The following RARB variants were observed in gnomAD, a reference collection of about 807,000 sequenced individuals.
RARB encodes retinoic acid receptor beta, also known as HBV-activated protein.
In RARB, 17 loss-of-function variants were observed where a neutral mutation model predicts 51.9. The observed-to-expected ratio is 0.33, with a 90% CI of 0.22 to 0.49. The LOEUF (loss-of-function observed/expected upper bound fraction) is 0.49. Among genes scored for constraint, RARB ranks in the 20% least tolerant of loss-of-function variants. The pLI is 0.99. For missense variants in RARB, 369 were observed against 550.8 expected (o/e 0.67, Z 3.30); for synonymous variants, 215 against 195.4 (o/e 1.10, Z -0.84).
chr3:25,246,793 A>G (rs1702572098), intron 5 of RARB, among the ~76,000 whole-genome samples: 1 of 152,182 alleles, frequency 6.6e-6, no homozygotes, highest in South Asian at 2.1e-4. Flanking sequence ...CAGGAGGCAC[A>G]GGGTTTGGAG....
chr3:25,218,790 C>A (rs7618208), intron 5 of RARB, among the ~76,000 whole-genome samples: 10 of 152,044 alleles, frequency 6.6e-5, no homozygotes, highest in Non-Finnish European at 1.3e-4. Context: ...AATAGGAAAT[C>A]GAGGCTCAGA....
chr3:25,251,496 C>A (rs1575258138), intron 5 of RARB, among the ~76,000 whole-genome samples: 1 of 152,174 alleles, frequency 6.6e-6, no homozygotes. Flanking sequence ...AGTGTGTGAG[C>A]ATTCTAATTT....
chr3:25,259,041 G>A (rs1702935325), intron 5 of RARB: 1 of 985,144 alleles, frequency 1.0e-6, no homozygotes, highest in South Asian at 4.7e-5. Context: ...TTAGTAGGCA[G>A]GAACCAGGAA....
At chr3:25,200,868 G>A (rs1701372388) in intron 5 of RARB, among the ~76,000 whole-genome samples, 2 of 152,168 alleles carry the variant, frequency 1.3e-5, no homozygotes, top group Non-Finnish European at 2.9e-5. Context: ...TTTGAAGTCA[G>A]GTAGCATGAT....
chr3:25,294,853 G>T (rs890007915), intron 5 of RARB, among the ~76,000 whole-genome samples: 2 of 152,164 alleles, frequency 1.3e-5, no homozygotes, highest in African/African-American at 4.8e-5. Context: ...CACCAGCTTT[G>T]CAGATTTGCT....
intron 2 of RARB, among the ~76,000 whole-genome samples, chr3:25,055,915 G>A (rs961360732): frequency 1.3e-5 from 2 of 152,032 alleles, no homozygotes; most frequent in Admixed American, 1.3e-4. Context: ...AAGGGATCTG[G>A]GGACATGTGG....
chr3:25,039,882 A>G (rs1469766841), intron 2 of RARB, among the ~76,000 whole-genome samples: 1 of 152,192 alleles, frequency 6.6e-6, no homozygotes, highest in East Asian at 1.9e-4. Flanking sequence ...AACTTGATAA[A>G]TCATTCGTGG....
chr3:25,081,187 T>A (rs1698986796), intron 3 of RARB, among the ~76,000 whole-genome samples: 4 of 152,128 alleles, frequency 2.6e-5, no homozygotes, highest in African/African-American at 9.7e-5. Context: ...TAAATTATCC[T>A]TCTGTGAGTT....
intron 1 of RARB, among the ~76,000 whole-genome samples, chr3:25,445,150 G>A (rs1415500859): frequency 1.3e-5 from 2 of 151,926 alleles, no homozygotes; most frequent in East Asian, 1.9e-4. Context: ...GAATTTCACT[G>A]TGTTGCCCAG....
At chr3:24,918,183 C>T (rs773998402) in intron 2 of RARB, among the ~76,000 whole-genome samples, 55 of 152,120 alleles carry the variant, frequency 3.6e-4, no homozygotes, top group Non-Finnish European at 6.5e-4. Flanking sequence ...TAAACAAAAA[C>T]GGTACCTCCG....
intron 5 of RARB, among the ~76,000 whole-genome samples, chr3:25,371,640 G>T (rs1234941970): frequency 4.6e-5 from 7 of 152,162 alleles, no homozygotes; most frequent in African/African-American, 1.4e-4. Context: ...ATAAACGCTC[G>T]CCCTGGGGCA....
intron 5 of RARB, among the ~76,000 whole-genome samples, chr3:25,262,676 C>T (rs67681308): frequency 0.1 from 15,678 of 152,184 alleles, 1,020 homozygotes; most frequent in South Asian, 0.26. Flanking sequence ...CTTTTGAAGA[C>T]GCTTGTGTTT....
chr3:24,995,616 G>A (rs953742662), intron 2 of RARB, among the ~76,000 whole-genome samples: 1 of 151,778 alleles, frequency 6.6e-6, no homozygotes, highest in African/African-American at 2.4e-5. Context: ...GTCATATATG[G>A]GCTTTATCAT....
intron 5 of RARB, among the ~76,000 whole-genome samples, chr3:25,266,196 G>A (rs560326336): frequency 1.8e-4 from 27 of 152,126 alleles, no homozygotes; most frequent in East Asian, 1.2e-3. Context: ...AAATATCTTT[G>A]GGGGCTAATA....
intron 3 of RARB, among the ~76,000 whole-genome samples, chr3:25,077,636 T>A (rs1433001426): frequency 1.3e-5 from 2 of 152,232 alleles, no homozygotes; most frequent in African/African-American, 4.8e-5. Flanking sequence ...ATAAAACTGC[T>A]ATGAAGATTT....
chr3:25,082,840 A>G (rs77789283), intron 3 of RARB, among the ~76,000 whole-genome samples: 7,126 of 152,132 alleles, frequency 0.047, 305 homozygotes, highest in African/African-American at 0.1. Context: ...GTGCAAGTCT[A>G]TATAGTGCAA....
chr3:25,012,477 G>A (rs1252485092), intron 2 of RARB, among the ~76,000 whole-genome samples: 1 of 152,072 alleles, frequency 6.6e-6, no homozygotes. Context: ...TGTACTAGAA[G>A]CTCTGTGTTC....
intron 2 of RARB, among the ~76,000 whole-genome samples, chr3:25,494,253 G>GCACACACACACACACACACACACACACA (rs57081618): frequency 7.6e-6 from 1 of 131,852 alleles, no homozygotes; most frequent in Admixed American, 7.4e-5. Context: ...TGTATCTTAC[G>GCACACACACACACACACACACACACACA]CACACACACA....
chr3:24,958,232 C>T (rs1209628782), intron 2 of RARB, among the ~76,000 whole-genome samples: 1 of 133,310 alleles, frequency 7.5e-6, no homozygotes, highest in African/African-American at 2.7e-5. Flanking sequence ...TGAGGAAGAC[C>T]TGAAGCTTCC....
Sources: allele counts gnomAD v4.1 joint callset (sites outside exome capture counted in the v4.1 genomes callset), GRCh38; gene constraint gnomAD v4.1.1; transcripts MANE v1.5; gene names NCBI Gene and HGNC (gene_info 2026-07-23, HGNC 2026-07-21).